The following EDIL3 variants were observed in gnomAD, a reference collection of about 807,000 sequenced individuals.
EDIL3 encodes the protein EGF like and discoidin domains 3, also known as EGF-like repeat and discoidin I-like domain-containing protein 3.
A neutral mutation model predicts 67.4 loss-of-function variants in EDIL3; 37 were observed. That is an observed-to-expected ratio of 0.55 (90% CI 0.42 to 0.72). The LOEUF (loss-of-function observed/expected upper bound fraction) is 0.72. Among genes scored for constraint, EDIL3 ranks in the 30% least tolerant of loss-of-function variants. EDIL3 has a pLI of 0.00. For missense variants in EDIL3, 527 were observed against 586.3 expected, an observed-to-expected ratio of 0.90 and a Z score of 1.04; for synonymous variants, 195 against 196.3, an observed-to-expected ratio of 0.99 and a Z score of 0.05.
chr5:84,257,754 A>G (rs1000380051), intron 1 of EDIL3, among the ~76,000 whole-genome samples: 1 of 152,216 alleles, frequency 6.6e-6, no homozygotes, highest in African/African-American at 2.4e-5. Context: ...CTCTGCTTAA[A>G]CATGACTTGT....
At chr5:84,101,684 T>C (rs1235356922) in intron 6 of EDIL3, among the ~76,000 whole-genome samples, 2 of 151,922 alleles carry the variant, frequency 1.3e-5, no homozygotes, top group African/African-American at 4.8e-5. Flanking sequence ...ATAGATAGCC[T>C]ACCAACCAAA....
intron 4 of EDIL3, among the ~76,000 whole-genome samples, chr5:84,158,343 A>G (rs1748531066): frequency 6.6e-6 from 1 of 152,042 alleles, no homozygotes; most frequent in South Asian, 2.1e-4. Flanking sequence ...GAAGGAAATT[A>G]AAGTAAATAC....
chr5:84,059,618 C>T (rs959881276), intron 9 of EDIL3, among the ~76,000 whole-genome samples: 4 of 152,236 alleles, frequency 2.6e-5, no homozygotes, highest in Admixed American at 2.0e-4. Flanking sequence ...GAACAGAACT[C>T]GTATCTTTCA....
intron 9 of EDIL3, among the ~76,000 whole-genome samples, chr5:84,036,055 T>G (rs573181762): frequency 1.3e-5 from 2 of 152,316 alleles, no homozygotes; most frequent in Admixed American, 1.3e-4. Context: ...ACGTGCAAGT[T>G]TGGTTAAAAA....
In EDIL3 at chr5:84,172,278, G is replaced by A. The variant is rs1440343783; in HGVS notation, c.355+8115C>T. Among the ~76,000 whole-genome samples, 6 of 152,054 alleles carry A rather than the reference G, an allele frequency of 3.9e-5. No individual in the cohort carries two copies. In the East Asian group the frequency reaches 5.8e-4, roughly 15 times the overall value. ...GTAATAACTTCAGGTAAAAATTTACGCAGTTTTTGAAGTGAATTCTTGGCC... is the reference window on the plus strand; with the variant it reads ...GTAATAACTTCAGGTAAAAATTTACACAGTTTTTGAAGTGAATTCTTGGCC... On this transcript the variant is annotated intron_variant, in intron 4 of 10. Transcript: ENST00000296591.
chr5:84,345,862 T>C (rs927175411), intron 1 of EDIL3, among the ~76,000 whole-genome samples: 10 of 152,076 alleles, frequency 6.6e-5, no homozygotes, highest in South Asian at 2.1e-4. Context: ...CTTCTAAAAA[T>C]AGGTACAGAT....
At chr5:84,044,004 T>C (rs1746176936) in intron 9 of EDIL3, among the ~76,000 whole-genome samples, 1 of 152,162 alleles carries the variant, frequency 6.6e-6, no homozygotes, top group South Asian at 2.1e-4. Flanking sequence ...ACCCGTCATC[T>C]AGGTTTTAAG....
intron 3 of EDIL3, among the ~76,000 whole-genome samples, chr5:84,187,702 T>G (rs909132183): frequency 2.0e-5 from 3 of 152,048 alleles, no homozygotes; most frequent in Non-Finnish European, 4.4e-5. Flanking sequence ...TTTTTTAACA[T>G]TTTGGCAGTT....
chr5:83,970,861 A>G (rs1287517686), intron 9 of EDIL3, among the ~76,000 whole-genome samples: 9 of 151,406 alleles, frequency 5.9e-5, no homozygotes. Flanking sequence ...CTTTGGACAG[A>G]ACAAAGTTGG....
At position 84,254,227 on chromosome 5, in the gene EDIL3, A is replaced by G; in HGVS notation, c.68-15T>C. On this transcript the variant is annotated splice_polypyrimidine_tract_variant and intron_variant, in intron 1 of 10. Coordinates refer to ENST00000296591, the MANE Select transcript of EDIL3 (RefSeq NM_005711.5). ...ACAAATATCACCTAAGGCATAAAAA[A>G]AAACCGAAATTGACATTTTTTTTTT... 6.3e-7 allele frequency: 1 copy of G among 1,595,662 alleles called. No homozygotes were observed. The highest frequency in any genetic ancestry group is 8.5e-7 in the Non-Finnish European group (1 of 1,173,748).
In EDIL3 at chr5:84,384,321, G is replaced by A. The variant is rs1485147869; in HGVS notation, c.54C>T (p.Pro18=). 6.2e-7 allele frequency: 1 copy of A among 1,610,912 alleles called. No homozygotes were observed. Residue 18 remains proline (P), a synonymous_variant, in exon 1 of 11, where the codon CCC becomes CCT. Transcript: ENST00000296591. ...CCGACGCCTTACCTTTGCCGAACTG[G>A]GGGACACCGAGGCTGAGCCCGACCA... is the stretch of plus-strand genomic sequence containing the variant. ...WLLVGLSLGV[P]QFGKGDICDP...
At chr5:84,256,060 A>G (rs16901010) in intron 1 of EDIL3, among the ~76,000 whole-genome samples, 18,588 of 152,144 alleles carry the variant, frequency 0.12, 1,360 homozygotes, top group African/African-American at 0.19. Flanking sequence ...GAATGGGGTG[A>G]TTGATGACTG....
At chr5:84,257,152 A>AT (rs1212143780) in intron 1 of EDIL3, among the ~76,000 whole-genome samples, 1 of 152,192 alleles carries the variant, frequency 6.6e-6, no homozygotes, top group African/African-American at 2.4e-5. Context: ...TCCCATCATT[A>AT]TGGAGAGTGC....
At chr5:84,231,655 G>C (rs921486515) in intron 2 of EDIL3, among the ~76,000 whole-genome samples, 1 of 152,220 alleles carries the variant, frequency 6.6e-6, no homozygotes, top group South Asian at 2.1e-4. Context: ...TCGCCTCCTT[G>C]GCACATAAAG....
At chr5:84,013,395 G>T (rs998860337) in intron 9 of EDIL3, among the ~76,000 whole-genome samples, 7 of 152,074 alleles carry the variant, frequency 4.6e-5, no homozygotes, top group East Asian at 1.9e-4. Flanking sequence ...TAGCTAGAAA[G>T]ATTTAGAATT....
intron 6 of EDIL3, among the ~76,000 whole-genome samples, chr5:84,081,216 C>G (rs1375351965): frequency 6.6e-6 from 1 of 152,180 alleles, no homozygotes; most frequent in Non-Finnish European, 1.5e-5. Flanking sequence ...CTATATTGTA[C>G]TCATCTCTCC....
At position 84,242,104 on chromosome 5, in the gene EDIL3, C is replaced by T. The variant is rs560888099; in HGVS notation, c.196+11980G>A. On this transcript the variant is annotated intron_variant, in intron 2 of 10. Coordinates refer to ENST00000296591, the MANE Select transcript of EDIL3 (RefSeq NM_005711.5). Reference sequence around the variant, plus strand: ...AAAATTAGCCAGGCGTGGTGGTGGGCGCCTGTAGTCCCAGCTACTCGGGAG... The same window carrying T: ...AAAATTAGCCAGGCGTGGTGGTGGGTGCCTGTAGTCCCAGCTACTCGGGAG... Among the ~76,000 whole-genome samples, 5 of 148,536 alleles carry T rather than the reference C, an allele frequency of 3.4e-5. No individual in the cohort carries two copies. In the East Asian group the frequency reaches 5.9e-4, roughly 18 times the overall value.
intron 4 of EDIL3, among the ~76,000 whole-genome samples, chr5:84,150,487 A>G (rs187669580): frequency 6.6e-6 from 1 of 152,322 alleles, no homozygotes; most frequent in African/African-American, 2.4e-5. Flanking sequence ...ATTTGAACTG[A>G]CAGTTCCTAA....
chr5:84,247,145 CA>C (rs1744923840), intron 2 of EDIL3, among the ~76,000 whole-genome samples: 1 of 152,076 alleles, frequency 6.6e-6, no homozygotes. Flanking sequence ...ACATAGCTCT[CA>C]TTATGGTAAC....
Sources: gnomAD v4.1 joint callset for allele counts (sites outside exome capture counted in the v4.1 genomes callset) on GRCh38, gnomAD v4.1.1 for gene constraint, MANE v1.5 for transcripts, NCBI Gene and HGNC (gene_info 2026-07-23, HGNC 2026-07-21) for gene names.